The following PREX1 variants were observed in gnomAD, a reference collection of about 807,000 sequenced individuals.
PREX1 encodes the protein phosphatidylinositol 3,4,5-trisphosphate-dependent Rac exchanger 1 protein.
Under a neutral mutation model 198.3 loss-of-function variants are expected in PREX1, and 41 were observed. The observed-to-expected ratio is 0.21, with a 90% CI of 0.16 to 0.27. The LOEUF is 0.27. PREX1 is among the 10% of genes least tolerant of loss of function. The pLI is 1.00. For synonymous variants in PREX1, 843 were observed against 887.2 expected, an observed-to-expected ratio of 0.95 and a Z score of 0.89; for missense variants, 1,620 against 2,200.7, an observed-to-expected ratio of 0.74 and a Z score of 5.28.
chr20:48,792,815 A>ACACAC (rs758333598), intron 1 of PREX1, among the ~76,000 whole-genome samples: 7 of 75,850 alleles, frequency 9.2e-5, no homozygotes, highest in South Asian at 8.1e-4. Flanking sequence ...AAAAAAAAAA[A>ACACAC]ATACACACAC....
intron 14 of PREX1, among the ~76,000 whole-genome samples, chr20:48,672,168 AG>A (rs754226382): frequency 2.6e-5 from 4 of 152,206 alleles, no homozygotes; most frequent in Non-Finnish European, 4.4e-5. Context: ...GGAGTGTTCC[AG>A]GGTGAAGGCC....
intron 1 of PREX1, among the ~76,000 whole-genome samples, chr20:48,773,144 G>A (rs1831912240): frequency 6.6e-6 from 1 of 151,840 alleles, no homozygotes; most frequent in African/African-American, 2.4e-5. Context: ...GCAGGTGTCG[G>A]TAATCTCTGC....
chr20:48,629,679 C>T, intron 36 of PREX1, 58 bp from the exon 37 acceptor site: 2 of 1,558,100 alleles, frequency 1.3e-6, no homozygotes, highest in Non-Finnish European at 8.8e-7. Context: ...AGCCCCTCAG[C>T]CCCCATCTGG....
intron 6 of PREX1, among the ~76,000 whole-genome samples, chr20:48,703,312 A>G (rs1235014266): frequency 1.3e-5 from 2 of 152,232 alleles, no homozygotes; most frequent in African/African-American, 4.8e-5. Flanking sequence ...CCGGGACAGG[A>G]GCCTGCATTC....
chr20:48,710,873 C>A (rs189254130), intron 5 of PREX1, among the ~76,000 whole-genome samples: 1 of 152,190 alleles, frequency 6.6e-6, no homozygotes, highest in Non-Finnish European at 1.5e-5. Context: ...GGGAGGCCAG[C>A]GGAGCTGCAG....
chr20:48,795,676 C>T (rs974658363), intron 1 of PREX1, among the ~76,000 whole-genome samples: 7 of 151,972 alleles, frequency 4.6e-5, no homozygotes, highest in African/African-American at 1.7e-4. Context: ...CCAGCAGAAT[C>T]GCCCTGCAAA....
intron 3 of PREX1, among the ~76,000 whole-genome samples, chr20:48,735,242 C>T (rs888860005): frequency 1.1e-4 from 17 of 152,112 alleles, no homozygotes; most frequent in Non-Finnish European, 1.8e-4. Context: ...ACCCGCCAAA[C>T]CCTAAACAAG....
At chr20:48,849,112 ATGTT>A in the PREX1 span, among the ~76,000 whole-genome samples, 1 of 152,030 alleles carries the variant, frequency 6.6e-6, no homozygotes, top group Admixed American at 6.6e-5. Flanking sequence ...AAAAAAAGGA[ATGTT>A]TGTGCATTGC....
chr20:48,748,991 C>T (rs1368474757), intron 1 of PREX1, among the ~76,000 whole-genome samples: 1 of 152,080 alleles, frequency 6.6e-6, no homozygotes, highest in Non-Finnish European at 1.5e-5. Context: ...ATGGTGCCAA[C>T]AAGAGATGAC....
chr20:48,719,039 G>A (rs569743896), intron 5 of PREX1, among the ~76,000 whole-genome samples: 1 of 152,338 alleles, frequency 6.6e-6, no homozygotes, highest in East Asian at 1.9e-4. Context: ...TTCATGCATT[G>A]TCTCATCTGA....
chr20:48,718,425 A>G (rs1458312136), intron 5 of PREX1, among the ~76,000 whole-genome samples: 2 of 152,362 alleles, frequency 1.3e-5, no homozygotes, highest in South Asian at 2.1e-4. Context: ...AAGGAAAAAG[A>G]GCAACTAAGC....
At chr20:48,698,883 G>A (rs575195117) in intron 7 of PREX1, among the ~76,000 whole-genome samples, 41 of 152,302 alleles carry the variant, frequency 2.7e-4, no homozygotes, top group African/African-American at 9.1e-4. Flanking sequence ...AGGTACATAC[G>A]ATCATTCACT....
chr20:48,701,887 G>A (rs1341339745), intron 6 of PREX1, among the ~76,000 whole-genome samples: 5 of 152,174 alleles, frequency 3.3e-5, no homozygotes, highest in Non-Finnish European at 7.3e-5. Context: ...AAAGGCATCA[G>A]GGAGGAGTGA....
intron 24 of PREX1, 82 bp downstream of exon 24, chr20:48,649,914 C>A (rs41283552): frequency 6.7e-7 from 1 of 1,491,022 alleles, no homozygotes; most frequent in Non-Finnish European, 9.3e-7. Flanking sequence ...CAGCCCTGGA[C>A]GGCTGACCTT....
At chr20:48,726,510 C>T (rs1057509411) in intron 4 of PREX1, 119 bp from the exon 5 acceptor site, 10 of 724,378 alleles carry the variant, frequency 1.4e-5, no homozygotes, top group African/African-American at 1.1e-4. Context: ...AGCGATTTAG[C>T]GACCCGTAGA....
At chr20:48,703,008 A>T (rs2089883358) in intron 6 of PREX1, among the ~76,000 whole-genome samples, 1 of 152,328 alleles carries the variant, frequency 6.6e-6, no homozygotes, top group East Asian at 1.9e-4. Flanking sequence ...AGGGAGAATT[A>T]TTCACAAAAT....
chr20:48,695,210 C>T (rs2089839302), intron 7 of PREX1, among the ~76,000 whole-genome samples: 2 of 152,160 alleles, frequency 1.3e-5, no homozygotes, highest in Non-Finnish European at 2.9e-5. Context: ...TGAGTCTAAC[C>T]CCATAGATTT....
intron 31 of PREX1, 50 bp downstream of exon 31, chr20:48,637,661 T>C: frequency 6.5e-7 from 1 of 1,533,276 alleles, no homozygotes; most frequent in Admixed American, 1.9e-5. Context: ...CGGCCTTGGG[T>C]GGTGGAAGAG....
the PREX1 span, among the ~76,000 whole-genome samples, chr20:48,861,970 G>C: frequency 0.013 from 2,044 of 152,278 alleles, 43 homozygotes; most frequent in African/African-American, 0.047. Context: ...AGCACTGCAA[G>C]AGGCTAAGGT....
Sources: allele counts gnomAD v4.1 joint callset (sites outside exome capture counted in the v4.1 genomes callset), GRCh38; gene constraint gnomAD v4.1.1; transcripts MANE v1.5; gene names NCBI Gene and HGNC (gene_info 2026-07-23, HGNC 2026-07-21).